The following KDM4C variants were observed in gnomAD, a reference collection of about 807,000 sequenced individuals.
The protein encoded by KDM4C is lysine-specific demethylase 4C.
KDM4C carries 81 observed loss-of-function variants against 129.3 expected under a neutral mutation model. The observed-to-expected ratio is 0.63, with a 90% CI of 0.52 to 0.75. KDM4C has a LOEUF of 0.75. Ranked by LOEUF, KDM4C falls within the 30% of genes least tolerant of loss-of-function variation. The pLI is 0.00. For missense variants in KDM4C, 1,457 were observed against 1,304.0 expected, an observed-to-expected ratio of 1.12 and a Z score of -1.81; for synonymous variants, 573 against 456.1, an observed-to-expected ratio of 1.26 and a Z score of -3.26.
intron 12 of KDM4C, among the ~76,000 whole-genome samples, chr9:6,991,458 AAGTGTCTT>A (rs2131924823): frequency 6.6e-6 from 1 of 151,976 alleles, no homozygotes; most frequent in East Asian, 1.9e-4. Flanking sequence ...CCTGATTCGT[AAGTGTCTT>A]GTATATGTCT....
intron 8 of KDM4C, among the ~76,000 whole-genome samples, chr9:6,956,667 A>C (rs1193300823): frequency 6.6e-6 from 1 of 152,214 alleles, no homozygotes; most frequent in African/African-American, 2.4e-5. Flanking sequence ...ATCATATAAT[A>C]CACAGAGCCT....
chr9:6,925,135 ATGCCAAGCAG>A (rs1340184581), intron 8 of KDM4C: 8 of 985,440 alleles, frequency 8.1e-6, no homozygotes, highest in Non-Finnish European at 8.4e-6. Flanking sequence ...TCTTTCATGG[ATGCCAAGCAG>A]TGCCTCACTG....
chr9:7,034,524 C>G (rs1827308786), intron 15 of KDM4C, among the ~76,000 whole-genome samples: 1 of 152,200 alleles, frequency 6.6e-6, no homozygotes, highest in Non-Finnish European at 1.5e-5. Context: ...TTGCAAATGA[C>G]AAGATTTCAT....
intron 1 of KDM4C, among the ~76,000 whole-genome samples, chr9:6,752,283 A>G (rs1454310985): frequency 8.2e-6 from 1 of 122,172 alleles, no homozygotes; most frequent in African/African-American, 3.1e-5. Flanking sequence ...CAGTGAGTCG[A>G]GATCGCGCCA....
chr9:6,732,816 C>T (rs1350851599), intron 1 of KDM4C, among the ~76,000 whole-genome samples: 1 of 152,002 alleles, frequency 6.6e-6, no homozygotes, highest in African/African-American at 2.4e-5. Flanking sequence ...AGTTCGAGAC[C>T]AGCCTGGCCA....
At chr9:6,887,861 G>A in intron 6 of KDM4C, 99 bp from the exon 7 acceptor site, 3 of 754,502 alleles carry the variant, frequency 4.0e-6, no homozygotes, top group Non-Finnish European at 7.1e-6. Context: ...ACTTGCATAA[G>A]TCAAACAGTA....
chr9:7,068,750 G>A (rs927334350), intron 17 of KDM4C, among the ~76,000 whole-genome samples: 1 of 136,850 alleles, frequency 7.3e-6, no homozygotes, highest in Non-Finnish European at 1.5e-5. Flanking sequence ...AGGCTGGAGT[G>A]CAATGGTGCA....
chr9:6,831,076 C>T (rs897337038), intron 4 of KDM4C, among the ~76,000 whole-genome samples: 5 of 152,170 alleles, frequency 3.3e-5, no homozygotes, highest in Non-Finnish European at 7.4e-5. Flanking sequence ...TTTGTTAGAT[C>T]ACGTTAGTGT....
At chr9:6,993,174 G>A (rs935573811) in intron 12 of KDM4C, among the ~76,000 whole-genome samples, 4 of 152,182 alleles carry the variant, frequency 2.6e-5, no homozygotes, top group East Asian at 1.9e-4. Context: ...AAAGTTGGTG[G>A]TGGTGGAGAA....
At chr9:6,863,572 G>A (rs1490541294) in intron 5 of KDM4C, among the ~76,000 whole-genome samples, 4 of 151,934 alleles carry the variant, frequency 2.6e-5, no homozygotes, top group South Asian at 2.1e-4. Flanking sequence ...GGAGGTGGGC[G>A]GATCACGAGG....
intron 10 of KDM4C, among the ~76,000 whole-genome samples, chr9:6,985,755 A>G (rs148242065): frequency 7.9e-5 from 12 of 152,268 alleles, no homozygotes; most frequent in South Asian, 2.1e-4. Context: ...CCGTGGCACA[A>G]TCATAGCTCC....
intron 8 of KDM4C, among the ~76,000 whole-genome samples, chr9:6,972,167 AAG>A (rs1249809956): frequency 2.0e-5 from 3 of 152,084 alleles, no homozygotes; most frequent in African/African-American, 7.2e-5. Flanking sequence ...GTGAGAGATC[AAG>A]AGAGAGACCT....
At chr9:6,927,919 C>G (rs1017165387) in intron 8 of KDM4C, among the ~76,000 whole-genome samples, 4 of 151,810 alleles carry the variant, frequency 2.6e-5, no homozygotes, top group African/African-American at 9.7e-5. Flanking sequence ...AAACAACCAA[C>G]CAGTCTGTTC....
At chr9:6,779,583 G>T (rs1335060367) in intron 1 of KDM4C, among the ~76,000 whole-genome samples, 1 of 152,204 alleles carries the variant, frequency 6.6e-6, no homozygotes, top group East Asian at 1.9e-4. Flanking sequence ...TGTAGTAGCA[G>T]TGGCAGTTCC....
At chr9:6,802,664 G>C (rs541420459) in intron 2 of KDM4C, among the ~76,000 whole-genome samples, 1 of 152,272 alleles carries the variant, frequency 6.6e-6, no homozygotes, top group East Asian at 1.9e-4. Flanking sequence ...GTCTCACTCT[G>C]TCACTCAGGC....
chr9:6,931,485 G>A (rs1823719141), intron 8 of KDM4C, among the ~76,000 whole-genome samples: 1 of 151,380 alleles, frequency 6.6e-6, no homozygotes, highest in South Asian at 2.1e-4. Flanking sequence ...ATGTCAGTAA[G>A]CAATAGTCAT....
At chr9:6,848,657 A>G (rs909691844) in intron 4 of KDM4C, among the ~76,000 whole-genome samples, 3 of 151,652 alleles carry the variant, frequency 2.0e-5, no homozygotes, top group Non-Finnish European at 4.4e-5. Flanking sequence ...CGACAGAGTG[A>G]GACTGTCTCA....
chr9:7,007,985 A>G (rs1821992313), intron 12 of KDM4C, among the ~76,000 whole-genome samples: 1 of 152,148 alleles, frequency 6.6e-6, no homozygotes, highest in Non-Finnish European at 1.5e-5. Context: ...TCAATGCTCA[A>G]AAATGCCTTC....
chr9:6,835,233 C>A, intron 4 of KDM4C: 3 of 911,728 alleles, frequency 3.3e-6, no homozygotes, highest in Non-Finnish European at 5.6e-6. Flanking sequence ...CTGAGGCACT[C>A]TTCCAGCTTT....
Sources: allele counts gnomAD v4.1 joint callset (sites outside exome capture counted in the v4.1 genomes callset), GRCh38; gene constraint gnomAD v4.1.1; transcripts MANE v1.5; gene names NCBI Gene and HGNC (gene_info 2026-07-23, HGNC 2026-07-21).